The following NBEA variants were observed in gnomAD, a reference collection of about 807,000 sequenced individuals.
The protein encoded by NBEA is neurobeachin.
NBEA carries 44 observed loss-of-function variants against 343.4 expected under a neutral mutation model. That is an observed-to-expected ratio of 0.13 (90% CI 0.10 to 0.16). The LOEUF (loss-of-function observed/expected upper bound fraction) is 0.16. Among genes scored for constraint, NBEA ranks in the 10% least tolerant of loss-of-function variants. The pLI is 1.00. For synonymous variants in NBEA, 1,175 were observed against 1,238.7 expected (o/e 0.95, Z 1.08); for missense variants, 2,555 against 3,631.3 (o/e 0.70, Z 7.62).
At position 34,942,836 on chromosome 13, in the gene NBEA, C is replaced by T; in HGVS notation, c.16C>T (p.Pro6Ser). The T allele has an allele frequency of 7.3e-7, 1 of 1,361,146 alleles. No individual in the cohort carries two copies. Among genetic ancestry groups the T allele is most frequent in the Non-Finnish European group, 9.5e-7 (1 of 1,053,694 alleles). 84.3% of individuals were successfully genotyped at this position (1,361,146 alleles called of 1,614,324 possible). ...AGGGGGGCCAATGGCTAGCGAGAAGCCGGGCCCGGGCCCGGGGCTCGAGCC... is the reference window on the plus strand; with the variant it reads ...AGGGGGGCCAATGGCTAGCGAGAAGTCGGGCCCGGGCCCGGGGCTCGAGCC... The part of the protein sequence containing the change: MASEK[P>S]GPGPGLEPQP... Residue 6 changes from proline (P) to serine (S), a missense_variant, in exon 1 of 59, where the codon CCG (proline) becomes TCG (serine). By Grantham distance (74) the Pro-to-Ser change is moderately conservative (BLOSUM62 -1). Coordinates refer to ENST00000379939, the MANE Select transcript of NBEA (RefSeq NM_001385012.1).
intron 1 of NBEA, among the ~76,000 whole-genome samples, chr13:35,009,374 G>A (rs1418610181): frequency 6.6e-6 from 1 of 152,158 alleles, no homozygotes; most frequent in Non-Finnish European, 1.5e-5. Context: ...GGTGTTGAGA[G>A]CTGTTTCAAG....
chr13:35,537,729 T>A (rs1401145327), intron 41 of NBEA, among the ~76,000 whole-genome samples: 1 of 152,092 alleles, frequency 6.6e-6, no homozygotes, highest in African/African-American at 2.4e-5. Flanking sequence ...GGGAAGAATA[T>A]GTGCATTGGC....
intron 11 of NBEA, among the ~76,000 whole-genome samples, chr13:35,101,166 A>G (rs1337789634): frequency 2.0e-5 from 3 of 151,972 alleles, no homozygotes; most frequent in East Asian, 1.9e-4. Context: ...ATGAATGTTC[A>G]TGTGCTAGGT....
intron 34 of NBEA, among the ~76,000 whole-genome samples, chr13:35,261,715 A>G (rs896610138): frequency 6.6e-6 from 1 of 152,168 alleles, no homozygotes; most frequent in African/African-American, 2.4e-5. Context: ...TGAAGCAGAG[A>G]AAAGACGAAA....
intron 45 of NBEA, among the ~76,000 whole-genome samples, chr13:35,573,615 C>T (rs1461280394): frequency 6.6e-6 from 1 of 152,138 alleles, no homozygotes; most frequent in African/African-American, 2.4e-5. Context: ...TCTCTTTATC[C>T]TCTTTTCTTG....
intron 41 of NBEA, among the ~76,000 whole-genome samples, chr13:35,543,316 A>C (rs2078916684): frequency 6.6e-6 from 1 of 152,192 alleles, no homozygotes; most frequent in African/African-American, 2.4e-5. Flanking sequence ...GTGTTGAAAA[A>C]TCTTGTTCAC....
At chr13:35,631,326 T>C (rs2083444017) in intron 49 of NBEA, among the ~76,000 whole-genome samples, 1 of 152,206 alleles carries the variant, frequency 6.6e-6, no homozygotes, top group Admixed American at 6.5e-5. Context: ...CCTGGAGGTC[T>C]TGTACTGCTG....
rs1594638120 is a variant in NBEA at position 35,438,000 on chromosome 13, A to G, written c.6304+5607A>G. The stretch of plus-strand genomic sequence containing the variant: ...TGCCCTTTCATAAAATTACAGTGGA[A>G]CAATGTTTCATCAAAACCTAAGACT... On this transcript the variant is annotated intron_variant, in intron 39 of 58. Transcript: ENST00000379939. Among the ~76,000 whole-genome samples the G allele has an allele frequency of 2.0e-5, 3 of 152,138 alleles. No homozygotes were observed. The South Asian group carries it at 6.2e-4, about 31-fold the overall frequency.
At chr13:35,044,825 TATATAGAGAG>T in intron 2 of NBEA, 112 bp from the exon 3 acceptor site, 1 of 517,694 alleles carries the variant, frequency 1.9e-6, no homozygotes, top group African/African-American at 1.9e-5. Flanking sequence ...CATATATATA[TATATAGAGAG>T]AGAGAGAGAG....
chr13:35,423,787 G>A (rs2044461881), intron 38 of NBEA, among the ~76,000 whole-genome samples: 1 of 152,110 alleles, frequency 6.6e-6, no homozygotes, highest in Non-Finnish European at 1.5e-5. Context: ...CATGAGCATG[G>A]AATGTTCTTC....
intron 6 of NBEA, among the ~76,000 whole-genome samples, chr13:35,052,846 A>G (rs2063113787): frequency 6.6e-6 from 1 of 151,998 alleles, no homozygotes; most frequent in African/African-American, 2.4e-5. Context: ...TATTGTTACA[A>G]CCAAAAGCAA....
intron 7 of NBEA, 58 bp from the exon 8 acceptor site, chr13:35,058,659 A>AT (rs1318637939): frequency 2.9e-6 from 4 of 1,392,826 alleles, no homozygotes; most frequent in Non-Finnish European, 3.0e-6. Context: ...CGATTTAAGG[A>AT]TTTAAACCTT....
At chr13:35,306,016 C>T (rs1387622623) in intron 35 of NBEA, among the ~76,000 whole-genome samples, 5 of 152,018 alleles carry the variant, frequency 3.3e-5, no homozygotes, top group East Asian at 1.9e-4. Flanking sequence ...ACTTTAAATT[C>T]GTATATCAAA....
intron 34 of NBEA, among the ~76,000 whole-genome samples, chr13:35,265,506 T>C (rs2033599681): frequency 6.6e-6 from 1 of 151,628 alleles, no homozygotes; most frequent in South Asian, 2.1e-4. Flanking sequence ...GGTACTGACA[T>C]AAAAATAGAC....
intron 43 of NBEA, among the ~76,000 whole-genome samples, 165 bp from the exon 44 acceptor site, chr13:35,554,822 A>G (rs910024908): frequency 2.0e-5 from 3 of 152,212 alleles, no homozygotes; most frequent in African/African-American, 7.2e-5. Context: ...GAATTCTCAA[A>G]TATTGCTAAT....
At chr13:35,251,249 C>T in intron 34 of NBEA, 1 of 331,252 alleles carries the variant, frequency 3.0e-6, no homozygotes, top group South Asian at 5.4e-5. Context: ...CTGCTGTCAA[C>T]CATGCAGTAT....
At chr13:35,140,280 C>T (rs1216646152) in intron 17 of NBEA, among the ~76,000 whole-genome samples, 1 of 151,922 alleles carries the variant, frequency 6.6e-6, no homozygotes, top group Admixed American at 6.6e-5. Flanking sequence ...TCCCAAACTG[C>T]TGGGATTACA....
chr13:35,177,744 A>G lies in NBEA; in HGVS notation c.4662+641A>G, dbSNP rs917031943. 4.6e-5 allele frequency among the ~76,000 whole-genome samples: 7 copies of G among 151,796 alleles called. No homozygotes were observed. In the East Asian group the frequency reaches 1.4e-3, roughly 29 times the overall value. Reference sequence around the variant, plus strand: ...TTCAATGCTGACAGCATCTCTTAACATGGTTATTATAAACCAGCCACTTTG... The same window carrying G: ...TTCAATGCTGACAGCATCTCTTAACGTGGTTATTATAAACCAGCCACTTTG... On this transcript the variant is annotated intron_variant, in intron 28 of 58. Transcript: ENST00000379939.
At chr13:35,327,141 G>T (rs151138292) in intron 36 of NBEA, among the ~76,000 whole-genome samples, 1 of 152,014 alleles carries the variant, frequency 6.6e-6, no homozygotes, top group Non-Finnish European at 1.5e-5. Context: ...TGCTGGAGAG[G>T]CTGTGGAGAA....
Sources: allele counts gnomAD v4.1 joint callset (sites outside exome capture counted in the v4.1 genomes callset), GRCh38; gene constraint gnomAD v4.1.1; transcripts MANE v1.5; gene names NCBI Gene and HGNC (gene_info 2026-07-23, HGNC 2026-07-21).